FOXP2: variants seen among roughly 807,000 people sequenced by gnomAD.
The protein encoded by FOXP2 is forkhead box P2.
FOXP2 carries 12 observed loss-of-function variants against 115.8 expected under a neutral mutation model. The observed-to-expected ratio is 0.10, with a 90% confidence interval of 0.07 to 0.17. FOXP2 has a LOEUF of 0.17. FOXP2 is among the 10% of genes least tolerant of loss of function. The pLI is 1.00. For synonymous variants in FOXP2, 328 were observed against 297.7 expected (o/e 1.10, Z -1.05); for missense variants, 629 against 843.5 (o/e 0.75, Z 3.15).
chr7:114,404,158 G>A (rs1186703304), intron 2 of FOXP2, among the ~76,000 whole-genome samples: 1 of 152,018 alleles, frequency 6.6e-6, no homozygotes, highest in African/African-American at 2.4e-5. Context: ...AATAATGAGT[G>A]GAGAGAAGGG....
intron 1 of FOXP2, among the ~76,000 whole-genome samples, chr7:114,248,238 T>C (rs900201374): frequency 6.6e-6 from 1 of 151,266 alleles, no homozygotes; most frequent in East Asian, 1.9e-4. Context: ...GAATTTTTTC[T>C]TGTTCAGCTA....
intron 3 of FOXP2, among the ~76,000 whole-genome samples, chr7:114,570,032 A>T (rs773046014): frequency 1.3e-5 from 2 of 151,894 alleles, no homozygotes; most frequent in African/African-American, 4.8e-5. Flanking sequence ...CACATGGTCT[A>T]TTCAAATGCA....
intron 2 of FOXP2, among the ~76,000 whole-genome samples, chr7:114,526,366 A>G (rs919273227): frequency 2.7e-5 from 4 of 150,316 alleles, no homozygotes; most frequent in African/African-American, 7.4e-5. Context: ...AATCCCAGAT[A>G]CTCGGGAGGC....
chr7:114,591,967 G>A (rs1036827976), intron 3 of FOXP2, among the ~76,000 whole-genome samples: 19 of 152,140 alleles, frequency 1.2e-4, no homozygotes, highest in African/African-American at 4.6e-4. Context: ...CATTTCATTT[G>A]AAGTTATTTA....
chr7:114,528,851 T>C (rs893571707), intron 2 of FOXP2, among the ~76,000 whole-genome samples: 2 of 151,844 alleles, frequency 1.3e-5, no homozygotes, highest in Admixed American at 1.3e-4. Context: ...ATAAAATGTT[T>C]TATAGCAGAA....
At chr7:114,156,323 T>A (rs914722743) in intron 1 of FOXP2, among the ~76,000 whole-genome samples, 1 of 152,168 alleles carries the variant, frequency 6.6e-6, no homozygotes, top group Non-Finnish European at 1.5e-5. Context: ...TCTCCTGCTC[T>A]GCTCATGTCT....
At chr7:114,689,239 A>G (rs985094519) in intron 16 of FOXP2, among the ~76,000 whole-genome samples, 3 of 152,160 alleles carry the variant, frequency 2.0e-5, no homozygotes, top group African/African-American at 7.2e-5. Flanking sequence ...CCTGGTAATG[A>G]AGACGCTTTA....
intron 8 of FOXP2, among the ~76,000 whole-genome samples, chr7:114,649,680 C>T (rs1806126119): frequency 6.6e-6 from 1 of 151,944 alleles, no homozygotes; most frequent in Non-Finnish European, 1.5e-5. Flanking sequence ...CTTTGATTGG[C>T]ATAATTAAGT....
At chr7:114,480,499 G>A (rs528615671) in intron 2 of FOXP2, among the ~76,000 whole-genome samples, 18 of 150,506 alleles carry the variant, frequency 1.2e-4, no homozygotes, top group Admixed American at 6.0e-4. Flanking sequence ...TCACCATGAC[G>A]CAGAAAACAG....
chr7:114,538,237 C>T (rs1799491310), intron 3 of FOXP2: 1 of 978,386 alleles, frequency 1.0e-6, no homozygotes, highest in South Asian at 1.4e-5. Context: ...TTGTAAAATA[C>T]ATTTTCAATT....
chr7:114,133,369 A>G (rs1178998066), intron 1 of FOXP2, among the ~76,000 whole-genome samples: 1 of 152,226 alleles, frequency 6.6e-6, no homozygotes. Context: ...ACAATTGGAT[A>G]TAAGAATCTA....
At chr7:114,457,374 C>G (rs1289556089) in intron 2 of FOXP2, among the ~76,000 whole-genome samples, 1 of 151,820 alleles carries the variant, frequency 6.6e-6, no homozygotes, top group Non-Finnish European at 1.5e-5. Context: ...AGGTTAAGTT[C>G]TCTACTTTTT....
At chr7:114,109,295 A>G (rs1032895617) in intron 1 of FOXP2, among the ~76,000 whole-genome samples, 13 of 152,060 alleles carry the variant, frequency 8.5e-5, no homozygotes, top group African/African-American at 2.7e-4. Context: ...TTTAATCGGC[A>G]TATACATTTT....
At chr7:114,553,234 G>C (rs1175509442) in intron 3 of FOXP2, among the ~76,000 whole-genome samples, 1 of 152,146 alleles carries the variant, frequency 6.6e-6, no homozygotes, top group Non-Finnish European at 1.5e-5. Context: ...CGAGCACTTG[G>C]CAAGTTCTTT....
intron 1 of FOXP2, among the ~76,000 whole-genome samples, chr7:114,264,658 A>G (rs538168321): frequency 2.0e-5 from 3 of 152,314 alleles, no homozygotes; most frequent in South Asian, 4.1e-4. Flanking sequence ...TTGAGTTACT[A>G]TAAAGAAATA....
At chr7:114,092,492 C>T (rs563867236) in intron 1 of FOXP2, among the ~76,000 whole-genome samples, 3 of 151,540 alleles carry the variant, frequency 2.0e-5, no homozygotes, top group Admixed American at 6.6e-5. Context: ...ACACACCCAA[C>T]GATAGCCATC....
chr7:114,205,469 A>G (rs2129160514), intron 1 of FOXP2, among the ~76,000 whole-genome samples: 1 of 152,304 alleles, frequency 6.6e-6, no homozygotes, highest in South Asian at 2.1e-4. Context: ...CTACATTGGT[A>G]AGGATTTTTG....
chr7:114,215,479 G>T (rs1055591881), intron 1 of FOXP2, among the ~76,000 whole-genome samples: 1 of 151,962 alleles, frequency 6.6e-6, no homozygotes, highest in Non-Finnish European at 1.5e-5. Flanking sequence ...GTTCAAAATG[G>T]TTACATATCT....
chr7:114,228,627 A>G (rs1794799090), intron 1 of FOXP2, among the ~76,000 whole-genome samples: 1 of 151,952 alleles, frequency 6.6e-6, no homozygotes, highest in South Asian at 2.1e-4. Flanking sequence ...ACTTTATTCA[A>G]ACAAGTAAAG....
Sources: allele counts gnomAD v4.1 joint callset (sites outside exome capture counted in the v4.1 genomes callset), GRCh38; gene constraint gnomAD v4.1.1; transcripts MANE v1.5; gene names NCBI Gene and HGNC (gene_info 2026-07-23, HGNC 2026-07-21).